KAT2B: variants seen among roughly 807,000 people sequenced by gnomAD.
The protein encoded by KAT2B is histone acetyltransferase KAT2B.
In KAT2B, 36 loss-of-function variants were observed where a neutral mutation model predicts 105.9. The observed-to-expected ratio is 0.34, with a 90% CI of 0.26 to 0.45. KAT2B has a LOEUF of 0.45. Among genes scored for constraint, KAT2B ranks in the 20% least tolerant of loss-of-function variants. KAT2B has a pLI of 1.00. For synonymous variants in KAT2B, 397 were observed against 377.9 expected (o/e 1.05, Z -0.59); for missense variants, 820 against 1,021.6 (o/e 0.80, Z 2.69).
At chr3:20,045,282 C>G (rs558619149) in intron 1 of KAT2B, among the ~76,000 whole-genome samples, 1 of 151,854 alleles carries the variant, frequency 6.6e-6, no homozygotes, top group Non-Finnish European at 1.5e-5. Flanking sequence ...CCTCCCAAAG[C>G]GCTGGGATTA....
chr3:20,085,043 A>G (rs565159746), intron 2 of KAT2B, among the ~76,000 whole-genome samples: 43 of 152,294 alleles, frequency 2.8e-4, no homozygotes, highest in South Asian at 8.3e-4. Flanking sequence ...CTTATCACAA[A>G]AAGAGATTAA....
intron 2 of KAT2B, among the ~76,000 whole-genome samples, chr3:20,078,724 C>T (rs1698465616): frequency 6.6e-6 from 1 of 151,848 alleles, no homozygotes; most frequent in Non-Finnish European, 1.5e-5. Context: ...TGTACACATT[C>T]AGCAGTGGGA....
chr3:20,131,102 G>A (rs1199588152), intron 11 of KAT2B, among the ~76,000 whole-genome samples: 5 of 133,598 alleles, frequency 3.7e-5, no homozygotes, highest in Admixed American at 8.9e-5. Flanking sequence ...TGCAAACTCC[G>A]CCTCCTGGGT....
At position 20,153,218 on chromosome 3, in the gene KAT2B, C is replaced by T. The variant is rs989911324; in HGVS notation, c.*693C>T. The T allele has an allele frequency of 2.6e-5, 4 of 152,386 alleles. No individual in the cohort carries two copies. Among genetic ancestry groups the T allele is most frequent in the African/African-American group, 9.7e-5 (4 of 41,436 alleles). The allele number at this position is 152,386 out of a possible 1,614,324, so 9.4% of individuals were successfully genotyped here. ...CAACAAACTTGTTAGTACATAACCA[C>T]TATTTTAATAATTATTTTCTCTACA... On this transcript the variant is annotated 3_prime_UTR_variant, in exon 18 of 18. Transcript: ENST00000263754.
intron 1 of KAT2B, among the ~76,000 whole-genome samples, chr3:20,046,242 CA>C (rs1201552506): frequency 6.6e-6 from 1 of 152,106 alleles, no homozygotes; most frequent in African/African-American, 2.4e-5. Context: ...CAAGGTGCCA[CA>C]TTTAAGGAGT....
At chr3:20,049,751 A>T (rs778619954) in intron 1 of KAT2B, among the ~76,000 whole-genome samples, 25 of 152,332 alleles carry the variant, frequency 1.6e-4, no homozygotes, top group Non-Finnish European at 3.2e-4. Context: ...GGACAGACAT[A>T]TACATGCTCT....
intron 11 of KAT2B, among the ~76,000 whole-genome samples, chr3:20,128,233 T>C (rs1433293316): frequency 6.6e-6 from 1 of 152,224 alleles, no homozygotes; most frequent in Non-Finnish European, 1.5e-5. Context: ...AATTTACACA[T>C]ACACGCAAAC....
chr3:20,073,839 C>G (rs1229400717), intron 2 of KAT2B, among the ~76,000 whole-genome samples: 10 of 152,144 alleles, frequency 6.6e-5, no homozygotes, highest in Admixed American at 6.5e-4. Flanking sequence ...AATCCTTAAG[C>G]CCTAGGCTTG....
intron 11 of KAT2B, among the ~76,000 whole-genome samples, chr3:20,130,420 A>G (rs953822510): frequency 1.3e-5 from 2 of 152,184 alleles, no homozygotes; most frequent in Admixed American, 6.5e-5. Flanking sequence ...ATGTTTCCAA[A>G]TGTTCAAAGT....
chr3:20,150,385 T>C (rs1699851899), intron 17 of KAT2B, among the ~76,000 whole-genome samples: 1 of 152,182 alleles, frequency 6.6e-6, no homozygotes, highest in African/African-American at 2.4e-5. Context: ...TTCCCCATAT[T>C]CTGAAAAACT....
At chr3:20,045,462 C>A (rs1053593534) in intron 1 of KAT2B, among the ~76,000 whole-genome samples, 1 of 151,922 alleles carries the variant, frequency 6.6e-6, no homozygotes, top group Admixed American at 6.6e-5. Context: ...GTGATCCTCC[C>A]ACCTCAGCCT....
At chr3:20,136,636 G>T (rs1575155505) in intron 11 of KAT2B, among the ~76,000 whole-genome samples, 1 of 151,932 alleles carries the variant, frequency 6.6e-6, no homozygotes, top group African/African-American at 2.4e-5. Flanking sequence ...TTCAGCAAGT[G>T]ATCTTTAAGA....
intron 1 of KAT2B, among the ~76,000 whole-genome samples, chr3:20,070,617 A>G (rs1402981160): frequency 6.6e-6 from 1 of 150,852 alleles, no homozygotes; most frequent in African/African-American, 2.4e-5. Context: ...CTTTTCTTAT[A>G]CTGTTACACA....
At chr3:20,068,708 T>C (rs1698267414) in intron 1 of KAT2B, among the ~76,000 whole-genome samples, 2 of 152,186 alleles carry the variant, frequency 1.3e-5, no homozygotes, top group African/African-American at 2.4e-5. Flanking sequence ...CAATAAATAT[T>C]GTTGAAAGAA....
At chr3:20,087,234 T>G (rs1698635846) in intron 2 of KAT2B, among the ~76,000 whole-genome samples, 1 of 152,180 alleles carries the variant, frequency 6.6e-6, no homozygotes, top group Non-Finnish European at 1.5e-5. Context: ...AAATGATAAA[T>G]ATTTGAGATG....
intron 17 of KAT2B, among the ~76,000 whole-genome samples, chr3:20,150,670 A>G (rs1057412211): frequency 2.0e-5 from 3 of 152,232 alleles, no homozygotes; most frequent in African/African-American, 7.2e-5. Flanking sequence ...CCAGAGGAAG[A>G]AGAATGCTAT....
chr3:20,103,465 A>G (rs1380629642), intron 5 of KAT2B, among the ~76,000 whole-genome samples: 1 of 152,098 alleles, frequency 6.6e-6, no homozygotes, highest in Non-Finnish European at 1.5e-5. Flanking sequence ...GCTGGAGCGC[A>G]GTGGCATGAT....
At chr3:20,062,464 T>TTATA (rs376524638) in intron 1 of KAT2B, among the ~76,000 whole-genome samples, 223 of 126,404 alleles carry the variant, frequency 1.8e-3, no homozygotes, top group African/African-American at 5.4e-3. Flanking sequence ...ATATTTTATT[T>TTATA]TATATATATA....
At position 20,067,998 on chromosome 3, in the gene KAT2B, C is replaced by CT. The variant is rs1208040350; in HGVS notation, c.304-4325dup. Among the ~76,000 whole-genome samples the CT allele has an allele frequency of 2.5e-3, 334 of 135,208 alleles. 2 individuals are homozygous for CT. Among genetic ancestry groups the CT allele is most frequent in the African/African-American group, 8.0e-3 (292 of 36,462 alleles). The allele number at this position is 135,208 out of a possible 152,430, so 88.7% of individuals were successfully genotyped here. A position where few individuals can be genotyped will look rare whatever the true frequency, so the allele number is the denominator to read the frequency against. On this transcript the variant is annotated intron_variant, in intron 1 of 17. Coordinates refer to ENST00000263754, the MANE Select transcript of KAT2B (RefSeq NM_003884.5). Reference sequence around the variant, plus strand: ...AATTTCATTTCTTTTTTCTTTCTTTCTTTTTTTTTTGTTTTTGAGGCAAGG... The same window carrying CT: ...AATTTCATTTCTTTTTTCTTTCTTTCTTTTTTTTTTTGTTTTTGAGGCAAGG...
Sources: allele counts gnomAD v4.1 joint callset (sites outside exome capture counted in the v4.1 genomes callset), GRCh38; gene constraint gnomAD v4.1.1; transcripts MANE v1.5; gene names NCBI Gene and HGNC (gene_info 2026-07-23, HGNC 2026-07-21).